GRIK2: variants seen among roughly 807,000 people sequenced by gnomAD.
GRIK2 encodes glutamate receptor ionotropic, kainate 2.
In GRIK2, 32 loss-of-function variants were observed where a neutral mutation model predicts 100.3. That is an observed-to-expected ratio of 0.32 (90% CI 0.24 to 0.43). The LOEUF is 0.43. Among genes scored for constraint, GRIK2 ranks in the 20% least tolerant of loss-of-function variants. The probability of loss-of-function intolerance (pLI) is 1.00; values close to 1 mark genes in which losing one functional copy is unlikely to be tolerated. For missense variants in GRIK2, 843 were observed against 1,114.9 expected (o/e 0.76, Z 3.47); for synonymous variants, 417 against 389.4 (o/e 1.07, Z -0.83).
At chr6:101,972,756 C>T (rs1178335823) in intron 14 of GRIK2, among the ~76,000 whole-genome samples, 2 of 151,850 alleles carry the variant, frequency 1.3e-5, no homozygotes, top group African/African-American at 4.8e-5. Context: ...TTTTATTCTT[C>T]TGCACATGGC....
chr6:101,916,387 TCTA>T (rs1789105111), intron 12 of GRIK2, among the ~76,000 whole-genome samples: 2 of 151,470 alleles, frequency 1.3e-5, no homozygotes, highest in South Asian at 4.1e-4. Flanking sequence ...ATGATTTGGT[TCTA>T]CATAGTGAAG....
chr6:101,696,840 A>T (rs991992834), intron 7 of GRIK2, among the ~76,000 whole-genome samples: 3 of 152,000 alleles, frequency 2.0e-5, no homozygotes, highest in African/African-American at 7.2e-5. Context: ...GAGCATGATG[A>T]ATTAGAAACC....
intron 9 of GRIK2, among the ~76,000 whole-genome samples, chr6:101,815,453 T>C (rs1198425636): frequency 1.3e-5 from 2 of 152,126 alleles, no homozygotes; most frequent in Non-Finnish European, 2.9e-5. Context: ...ATCCTTATAA[T>C]TAGAATGGCC....
chr6:101,412,427 C>G (rs551495965), intron 2 of GRIK2, among the ~76,000 whole-genome samples: 2 of 152,022 alleles, frequency 1.3e-5, no homozygotes, highest in South Asian at 4.1e-4. Context: ...ATAGGAGACA[C>G]TTTACTGACA....
chr6:101,931,097 T>G (rs1206131010), intron 14 of GRIK2, among the ~76,000 whole-genome samples: 1 of 152,156 alleles, frequency 6.6e-6, no homozygotes, highest in Non-Finnish European at 1.5e-5. Context: ...TGTTGATATT[T>G]TTGGTATTTT....
chr6:101,715,045 G>T (rs1202470212), intron 7 of GRIK2, among the ~76,000 whole-genome samples: 1 of 151,328 alleles, frequency 6.6e-6, no homozygotes, highest in Non-Finnish European at 1.5e-5. Flanking sequence ...TCCAGGATCA[G>T]AAAAGGAACC....
At chr6:102,049,700 T>A (rs1404244609) in intron 15 of GRIK2, among the ~76,000 whole-genome samples, 1 of 152,128 alleles carries the variant, frequency 6.6e-6, no homozygotes, top group Non-Finnish European at 1.5e-5. Flanking sequence ...AATAGCCAGT[T>A]TGGGAAATAC....
rs575437323 is a variant in GRIK2 at position 101,502,722 on chromosome 6, C to T, written c.115+103330C>T. Among the ~76,000 whole-genome samples, 159 of 152,152 alleles carry T rather than the reference C, an allele frequency of 1.0e-3. 2 individuals carry two copies. Among genetic ancestry groups the T allele is most frequent in the Non-Finnish European group, 1.0e-3 (69 of 68,006 alleles). ...CTGTCAGGTATTGGTGAATGGGTTC[C>T]AATTCAGTGTGCGAATTGAAACACT... On this transcript the variant is annotated intron_variant, in intron 2 of 16. Transcript: ENST00000369134.
At chr6:101,739,280 C>T (rs1444651063) in intron 7 of GRIK2, among the ~76,000 whole-genome samples, 1 of 152,170 alleles carries the variant, frequency 6.6e-6, no homozygotes, top group Non-Finnish European at 1.5e-5. Context: ...CACATAGGCC[C>T]TCAGTGGGTG....
chr6:101,747,951 G>T (rs1298485999), intron 7 of GRIK2, among the ~76,000 whole-genome samples: 2 of 152,118 alleles, frequency 1.3e-5, no homozygotes. Context: ...GTCTCTGCAG[G>T]AGGATTTCAA....
chr6:101,684,015 A>C (rs1771487150), intron 6 of GRIK2, among the ~76,000 whole-genome samples: 1 of 152,182 alleles, frequency 6.6e-6, no homozygotes, highest in Non-Finnish European at 1.5e-5. Context: ...CAGATTATTA[A>C]AATTTAATTG....
chr6:101,519,943 G>T (rs1458715419), intron 2 of GRIK2, among the ~76,000 whole-genome samples: 2 of 152,058 alleles, frequency 1.3e-5, no homozygotes, highest in African/African-American at 4.8e-5. Flanking sequence ...TAAGAATTGA[G>T]ATTAAGGCAT....
At chr6:101,958,727 A>G (rs1373736993) in intron 14 of GRIK2, among the ~76,000 whole-genome samples, 1 of 151,962 alleles carries the variant, frequency 6.6e-6, no homozygotes, top group Non-Finnish European at 1.5e-5. Flanking sequence ...GAGTGTTTTT[A>G]TCATTAATGG....
chr6:101,555,584 C>T (rs1776697783), intron 2 of GRIK2, among the ~76,000 whole-genome samples: 1 of 152,132 alleles, frequency 6.6e-6, no homozygotes, highest in South Asian at 2.1e-4. Flanking sequence ...ATGTAATAGT[C>T]TTTCTATTGG....
At chr6:101,501,524 A>G (rs559509271) in intron 2 of GRIK2, among the ~76,000 whole-genome samples, 1 of 152,286 alleles carries the variant, frequency 6.6e-6, no homozygotes, top group South Asian at 2.1e-4. Context: ...CAATGGCCAC[A>G]CTTCATTGTG....
chr6:101,607,729 C>G (rs1284001296), intron 2 of GRIK2, among the ~76,000 whole-genome samples: 1 of 151,840 alleles, frequency 6.6e-6, no homozygotes, highest in Non-Finnish European at 1.5e-5. Flanking sequence ...CTTTGGTATG[C>G]AATCAGCATC....
chr6:101,560,995 G>T (rs1776983673), intron 2 of GRIK2, among the ~76,000 whole-genome samples: 1 of 152,128 alleles, frequency 6.6e-6, no homozygotes, highest in Non-Finnish European at 1.5e-5. Flanking sequence ...TGCCTTTATT[G>T]GTTATTCATT....
intron 2 of GRIK2, among the ~76,000 whole-genome samples, chr6:101,468,144 G>A (rs1372797021): frequency 2.0e-5 from 3 of 152,104 alleles, no homozygotes; most frequent in African/African-American, 4.8e-5. Flanking sequence ...GGACTGCCCA[G>A]TGGGAAGGAC....
intron 10 of GRIK2, among the ~76,000 whole-genome samples, chr6:101,855,695 A>T (rs2128441673): frequency 6.6e-6 from 1 of 152,328 alleles, no homozygotes; most frequent in East Asian, 1.9e-4. Flanking sequence ...GGCCTTGAAG[A>T]CCAGCATAAA....
Sources: gnomAD v4.1 joint callset for allele counts (sites outside exome capture counted in the v4.1 genomes callset) on GRCh38, gnomAD v4.1.1 for gene constraint, MANE v1.5 for transcripts, NCBI Gene and HGNC (gene_info 2026-07-23, HGNC 2026-07-21) for gene names.